The following ANGPT1 variants were observed in gnomAD, a reference collection of about 807,000 sequenced individuals.
ANGPT1 encodes angiopoietin-1.
ANGPT1 carries 17 observed loss-of-function variants against 62.2 expected under a neutral mutation model. The ratio of observed to expected loss-of-function variants is 0.27; its 90% CI spans 0.19 to 0.41. The LOEUF (loss-of-function observed/expected upper bound fraction) is 0.41, where lower values mean the gene tolerates loss of function less well. Ranked by LOEUF, ANGPT1 falls within the 10% of genes least tolerant of loss-of-function variation. The pLI is 1.00. For missense variants in ANGPT1, 478 were observed against 594.9 expected, an observed-to-expected ratio of 0.80 and a Z score of 2.04; for synonymous variants, 199 against 198.9, an observed-to-expected ratio of 1.00 and a Z score of 0.00.
At chr8:107,407,024 T>C (rs890717795) in intron 1 of ANGPT1, among the ~76,000 whole-genome samples, 1 of 152,182 alleles carries the variant, frequency 6.6e-6, no homozygotes, top group African/African-American at 2.4e-5. Flanking sequence ...CTCAGATTGA[T>C]GTGTTCCTTC....
intron 4 of ANGPT1, among the ~76,000 whole-genome samples, chr8:107,311,204 T>C (rs1484850340): frequency 6.6e-6 from 1 of 151,710 alleles, no homozygotes; most frequent in Non-Finnish European, 1.5e-5. Flanking sequence ...TTTTAAAAAG[T>C]AGGCAAAACT....
chr8:107,306,620 A>G (rs2129992699), intron 4 of ANGPT1, among the ~76,000 whole-genome samples: 1 of 152,252 alleles, frequency 6.6e-6, no homozygotes, highest in South Asian at 2.1e-4. Context: ...AGAGACAATA[A>G]CATTTGAATT....
chr8:107,391,804 A>G (rs960917972), intron 1 of ANGPT1, among the ~76,000 whole-genome samples: 4 of 152,214 alleles, frequency 2.6e-5, no homozygotes, highest in African/African-American at 9.6e-5. Flanking sequence ...CTGTAACCAC[A>G]TGTTAGTACA....
intron 1 of ANGPT1, among the ~76,000 whole-genome samples, chr8:107,465,616 C>T (rs1812179431): frequency 1.3e-5 from 2 of 152,138 alleles, no homozygotes; most frequent in Admixed American, 6.6e-5. Flanking sequence ...AATGACAAGT[C>T]TAAGCTTATA....
chr8:107,364,251 G>T (rs1435458762), intron 1 of ANGPT1, among the ~76,000 whole-genome samples: 1 of 152,014 alleles, frequency 6.6e-6, no homozygotes, highest in African/African-American at 2.4e-5. Flanking sequence ...AATCCCTGAG[G>T]TTTATGAAAT....
At chr8:107,253,112 T>G (rs1043068285) in intron 8 of ANGPT1, among the ~76,000 whole-genome samples, 1 of 152,176 alleles carries the variant, frequency 6.6e-6, no homozygotes, top group African/African-American at 2.4e-5. Flanking sequence ...GTTTATAAAG[T>G]CACACTAGAG....
chr8:107,310,592 AAAG>A (rs774806778), intron 4 of ANGPT1, among the ~76,000 whole-genome samples: 12 of 152,170 alleles, frequency 7.9e-5, no homozygotes, highest in Non-Finnish European at 1.6e-4. Flanking sequence ...TGATAAGAAC[AAAG>A]AATATGTTGA....
chr8:107,326,485 T>C (rs1815291558), intron 3 of ANGPT1, among the ~76,000 whole-genome samples: 1 of 152,098 alleles, frequency 6.6e-6, no homozygotes, highest in Non-Finnish European at 1.5e-5. Flanking sequence ...TTCCATTTCT[T>C]TTGACTACAC....
intron 1 of ANGPT1, among the ~76,000 whole-genome samples, chr8:107,376,764 T>G (rs1816538914): frequency 6.6e-6 from 1 of 152,212 alleles, no homozygotes; most frequent in Non-Finnish European, 1.5e-5. Context: ...TGACTTTCGG[T>G]TCTCACTAAA....
chr8:107,333,659 T>C (rs185186757), intron 3 of ANGPT1, among the ~76,000 whole-genome samples: 3 of 152,126 alleles, frequency 2.0e-5, no homozygotes, highest in South Asian at 4.2e-4. Flanking sequence ...TCAGATTCCT[T>C]TGAGATACTG....
At chr8:107,394,788 T>C (rs540475824) in intron 1 of ANGPT1, among the ~76,000 whole-genome samples, 5 of 152,286 alleles carry the variant, frequency 3.3e-5, no homozygotes, top group Admixed American at 6.5e-5. Context: ...TATATTTATA[T>C]TGGATTACAT....
chr8:107,476,272 C>G (rs998553168), intron 1 of ANGPT1, among the ~76,000 whole-genome samples: 5 of 152,130 alleles, frequency 3.3e-5, no homozygotes, highest in Admixed American at 2.6e-4. Flanking sequence ...AGGATGAGTT[C>G]ATGTCCTTTG....
chr8:107,257,876 G>GTTTTTTTTTTTTTTTTTTTTTT (rs1371396961), intron 8 of ANGPT1, among the ~76,000 whole-genome samples: 11 of 85,302 alleles, frequency 1.3e-4, no homozygotes, highest in African/African-American at 1.9e-4. Context: ...ACTTGTTTTT[G>GTTTTTTTTTTTTTTTTTTTTTT]TTTCTTTTTT....
chr8:107,315,452 C>G (rs967624579), intron 4 of ANGPT1, among the ~76,000 whole-genome samples: 13 of 152,210 alleles, frequency 8.5e-5, no homozygotes, highest in African/African-American at 3.1e-4. Flanking sequence ...TCATTTTAGT[C>G]TCTGAGATAT....
chr8:107,435,967 A>C (rs1256186018), intron 1 of ANGPT1, among the ~76,000 whole-genome samples: 1 of 152,174 alleles, frequency 6.6e-6, no homozygotes, highest in African/African-American at 2.4e-5. Flanking sequence ...CAGTGGCCTA[A>C]TCACAGCTTA....
chr8:107,284,990 GTGAT>G (rs1814105743), intron 6 of ANGPT1, 142 bp from the exon 7 acceptor site: 6 of 581,000 alleles, frequency 1.0e-5, no homozygotes, highest in Non-Finnish European at 1.5e-5. Flanking sequence ...TTTTTCTCCA[GTGAT>G]TGACATTTCA....
chr8:107,428,266 A>T (rs1811087876), intron 1 of ANGPT1, among the ~76,000 whole-genome samples: 1 of 152,204 alleles, frequency 6.6e-6, no homozygotes, highest in Admixed American at 6.5e-5. Flanking sequence ...GTATACATGA[A>T]TTCAGTTCGT....
intron 1 of ANGPT1, among the ~76,000 whole-genome samples, chr8:107,418,352 T>C (rs1418579434): frequency 6.6e-6 from 1 of 152,126 alleles, no homozygotes; most frequent in Non-Finnish European, 1.5e-5. Flanking sequence ...TTGGACACCA[T>C]CAACAAAATC....
At chr8:107,443,186 G>A (rs1811523815) in intron 1 of ANGPT1, among the ~76,000 whole-genome samples, 1 of 152,040 alleles carries the variant, frequency 6.6e-6, no homozygotes, top group Non-Finnish European at 1.5e-5. Flanking sequence ...GATTTCTGAG[G>A]GCAGGGAAGA....
Sources: allele counts gnomAD v4.1 joint callset (sites outside exome capture counted in the v4.1 genomes callset), GRCh38; gene constraint gnomAD v4.1.1; transcripts MANE v1.5; gene names NCBI Gene and HGNC (gene_info 2026-07-23, HGNC 2026-07-21).